BNC2: variants seen among roughly 807,000 people sequenced by gnomAD.
BNC2 encodes the protein basonuclin zinc finger protein 2, also known as zinc finger protein basonuclin-2.
In BNC2, 20 loss-of-function variants were observed where a neutral mutation model predicts 76.3. The observed-to-expected ratio is 0.26, with a 90% CI of 0.18 to 0.38. BNC2 has a LOEUF of 0.38. Ranked by LOEUF, BNC2 falls within the 10% of genes least tolerant of loss-of-function variation. BNC2 has a pLI of 1.00. For missense variants in BNC2, 1,382 were observed against 1,399.8 expected (o/e 0.99, Z 0.20); for synonymous variants, 582 against 514.8 (o/e 1.13, Z -1.77).
intron 1 of BNC2, among the ~76,000 whole-genome samples, chr9:16,806,827 G>C (rs1419761413): frequency 6.6e-6 from 1 of 152,134 alleles, no homozygotes; most frequent in African/African-American, 2.4e-5. Flanking sequence ...AAGTTAACAG[G>C]TGTCAGAAAC....
At chr9:16,440,239 A>C (rs2130902176) in intron 5 of BNC2, among the ~76,000 whole-genome samples, 1 of 152,232 alleles carries the variant, frequency 6.6e-6, no homozygotes, top group African/African-American at 2.4e-5. Context: ...TGAACACAAA[A>C]ATTCTGACTC....
At chr9:16,561,351 G>T (rs1225280653) in intron 4 of BNC2, among the ~76,000 whole-genome samples, 1 of 152,134 alleles carries the variant, frequency 6.6e-6, no homozygotes, top group Non-Finnish European at 1.5e-5. Context: ...GGGGAGGGAT[G>T]GCTTAGAGCC....
At chr9:16,611,778 C>T (rs1292697554) in intron 3 of BNC2, among the ~76,000 whole-genome samples, 4 of 152,100 alleles carry the variant, frequency 2.6e-5, no homozygotes, top group Non-Finnish European at 5.9e-5. Flanking sequence ...AATGATTAAG[C>T]TCAATTTTAA....
intron 5 of BNC2, chr9:16,475,929 T>C (rs979788849): frequency 2.0e-5 from 3 of 152,230 alleles, no homozygotes; most frequent in Non-Finnish European, 1.5e-5. Flanking sequence ...TTAGCTCACT[T>C]TGTCAAGCAT....
chr9:16,760,100 A>G (rs1244046307), intron 1 of BNC2, among the ~76,000 whole-genome samples: 1 of 152,208 alleles, frequency 6.6e-6, no homozygotes, highest in Non-Finnish European at 1.5e-5. Flanking sequence ...AGCTATAATG[A>G]TACTTCCATG....
Position 16,536,201 on chromosome 9 carries a change from C to T in BNC2, c.669+16329G>A, listed in dbSNP as rs111292044. Among the ~76,000 whole-genome samples, 542 of 152,220 alleles carry T rather than the reference C, an allele frequency of 3.6e-3. 3 individuals carry two copies. Among genetic ancestry groups the T allele is most frequent in the African/African-American group, 0.012 (497 of 41,532 alleles). ...TGAAACTCTTTAAACTAATAATAAA[C>T]GCCCTTGGTGCTCTGGTTCTTGTAT... On this transcript the variant is annotated intron_variant, in intron 5 of 6. Coordinates refer to ENST00000380672, the MANE Select transcript of BNC2 (RefSeq NM_017637.6).
intron 2 of BNC2, among the ~76,000 whole-genome samples, chr9:16,736,854 T>C (rs1054525600): frequency 6.6e-6 from 1 of 152,004 alleles, no homozygotes; most frequent in African/African-American, 2.4e-5. Context: ...TTGTGCAGGC[T>C]GGAGTGCAAC....
chr9:16,835,641 G>A (rs1333533046), intron 1 of BNC2, among the ~76,000 whole-genome samples: 4 of 152,214 alleles, frequency 2.6e-5, no homozygotes, highest in African/African-American at 9.6e-5. Flanking sequence ...GGCGGAGGTT[G>A]CAGTGAGCAG....
intron 6 of BNC2, chr9:16,421,266 T>TG (rs1430684642): frequency 7.7e-7 from 1 of 1,300,478 alleles, no homozygotes; most frequent in African/African-American, 1.5e-5. Context: ...GCTTACCTTG[T>TG]GACAATAAGA....
intron 5 of BNC2, among the ~76,000 whole-genome samples, chr9:16,445,344 C>A (rs1245216807): frequency 1.1e-4 from 16 of 152,160 alleles, no homozygotes; most frequent in Admixed American, 6.6e-4. Context: ...TCTCTATTCA[C>A]ACAAAGCTCT....
At chr9:16,449,342 T>G (rs932543919) in intron 5 of BNC2, among the ~76,000 whole-genome samples, 1 of 152,214 alleles carries the variant, frequency 6.6e-6, no homozygotes, top group Non-Finnish European at 1.5e-5. Context: ...ATATTTTCTA[T>G]CCAGGCTTGC....
intron 3 of BNC2, among the ~76,000 whole-genome samples, chr9:16,701,636 C>T (rs1243203128): frequency 1.3e-5 from 2 of 152,022 alleles, no homozygotes; most frequent in Non-Finnish European, 2.9e-5. Flanking sequence ...AGCAAAATAG[C>T]AATACTAAAT....
chr9:16,449,841 C>CG (rs543844239), intron 5 of BNC2, among the ~76,000 whole-genome samples: 32,753 of 78,860 alleles, frequency 0.42, 4,144 homozygotes, highest in East Asian at 0.49. Context: ...AAAGGTGGGG[C>CG]GGGGGGGGAG....
chr9:16,434,898 AACCC>A (rs1289249973), intron 6 of BNC2: 3 of 464,588 alleles, frequency 6.5e-6, no homozygotes, highest in Middle Eastern at 3.2e-4. Flanking sequence ...AAGATAAAGA[AACCC>A]ACACGACCAT....
At chr9:16,724,734 T>G (rs913486940) in intron 3 of BNC2, among the ~76,000 whole-genome samples, 1 of 152,074 alleles carries the variant, frequency 6.6e-6, no homozygotes, top group African/African-American at 2.4e-5. Context: ...AGACAAAGAT[T>G]TTTGTATCCC....
At chr9:16,658,183 A>G (rs1821986980) in intron 3 of BNC2, among the ~76,000 whole-genome samples, 1 of 152,212 alleles carries the variant, frequency 6.6e-6, no homozygotes, top group Admixed American at 6.5e-5. Flanking sequence ...ATACATGTAG[A>G]ATGAGTGAAA....
At chr9:16,735,887 A>G (rs1049269917) in intron 2 of BNC2, among the ~76,000 whole-genome samples, 2 of 151,940 alleles carry the variant, frequency 1.3e-5, no homozygotes, top group Non-Finnish European at 2.9e-5. Context: ...TGTCATAATA[A>G]TGGTTTAAAT....
At chr9:16,512,010 A>C (rs1340785169) in intron 5 of BNC2, among the ~76,000 whole-genome samples, 1 of 152,230 alleles carries the variant, frequency 6.6e-6, no homozygotes, top group Non-Finnish European at 1.5e-5. Context: ...TCAAAAATTT[A>C]TGTGAAACCT....
At chr9:16,787,213 C>T (rs912342305) in intron 1 of BNC2, among the ~76,000 whole-genome samples, 1 of 152,164 alleles carries the variant, frequency 6.6e-6, no homozygotes, top group Non-Finnish European at 1.5e-5. Context: ...TGTCAGAAGC[C>T]CTGGGCAGGG....
Sources: gnomAD v4.1 joint callset for allele counts (sites outside exome capture counted in the v4.1 genomes callset) on GRCh38, gnomAD v4.1.1 for gene constraint, MANE v1.5 for transcripts, NCBI Gene and HGNC (gene_info 2026-07-23, HGNC 2026-07-21) for gene names.